EEF1G: variants seen among roughly 807,000 people sequenced by gnomAD.
EEF1G encodes the protein eukaryotic translation elongation factor 1 gamma.
Under a neutral mutation model 58.3 loss-of-function variants are expected in EEF1G, and 14 were observed. The observed-to-expected ratio is 0.24, with a 90% CI of 0.16 to 0.38. The LOEUF (loss-of-function observed/expected upper bound fraction) is 0.38. EEF1G is among the 10% of genes least tolerant of loss of function. The pLI is 1.00. For synonymous variants in EEF1G, 180 were observed against 206.8 expected, an observed-to-expected ratio of 0.87 and a Z score of 1.11; for missense variants, 322 against 550.1, an observed-to-expected ratio of 0.59 and a Z score of 4.15.
chr11:62,567,821 C>T (rs1941574881), intron 5 of EEF1G, among the ~76,000 whole-genome samples: 1 of 151,788 alleles, frequency 6.6e-6, no homozygotes, highest in Non-Finnish European at 1.5e-5. Context: ...TCTCGTGCCT[C>T]AGCCTCCCAT....
intron 7 of EEF1G, among the ~76,000 whole-genome samples, chr11:62,564,758 CA>C (rs34663205): frequency 4.8e-4 from 36 of 75,038 alleles, no homozygotes; most frequent in African/African-American, 2.0e-3. Context: ...GACTCCATCT[CA>C]AAAAAAAAAA....
chr11:62,571,456 T>C, intron 4 of EEF1G, 84 bp downstream of exon 4: 1 of 1,479,684 alleles, frequency 6.8e-7, no homozygotes, highest in Non-Finnish European at 9.0e-7. Flanking sequence ...CATCTTTTTT[T>C]CAACCTATTT....
chr11:62,566,530 C>T (rs1458248232), intron 7 of EEF1G, among the ~76,000 whole-genome samples: 3 of 152,196 alleles, frequency 2.0e-5, no homozygotes, highest in Admixed American at 6.5e-5. Flanking sequence ...TGCTCAAAAC[C>T]AACTTACCAC....
intron 2 of EEF1G, 117 bp downstream of exon 2, chr11:62,572,467 A>G (rs1941645984): frequency 7.3e-7 from 1 of 1,361,566 alleles, no homozygotes; most frequent in African/African-American, 1.5e-5. Context: ...AATCACCGAA[A>G]TTGAATAAAA....
At chr11:62,560,937 A>T (rs990213254) in intron 7 of EEF1G, among the ~76,000 whole-genome samples, 1 of 152,176 alleles carries the variant, frequency 6.6e-6, no homozygotes, top group Non-Finnish European at 1.5e-5. Context: ...CCTTTAGTCC[A>T]TCTCTGCCTA....
chr11:62,561,248 A>T (rs1426739641), intron 7 of EEF1G, among the ~76,000 whole-genome samples: 1 of 152,146 alleles, frequency 6.6e-6, no homozygotes, highest in East Asian at 1.9e-4. Context: ...TCTACTAAAA[A>T]TACAAAAATT....
chr11:62,571,907 G>A lies in EEF1G; in HGVS notation c.172-6C>T. The A allele has an allele frequency of 6.4e-7, 1 of 1,572,236 alleles. No homozygotes were observed. ...TCACCCTCAAATGCTGGGACCTGGG[G>A]ACAAAGCAGTGAAAAGATAAGGTAA... On this transcript the variant is annotated splice_region_variant and splice_polypyrimidine_tract_variant and intron_variant, in intron 2 of 9. Coordinates refer to ENST00000329251, the MANE Select transcript of EEF1G (RefSeq NM_001404.5).
chr11:62,573,242 T>C (rs1217481188), intron 1 of EEF1G: 4 of 157,400 alleles, frequency 2.5e-5, no homozygotes, highest in Non-Finnish European at 5.6e-5. Flanking sequence ...GGGGATGGCA[T>C]GCCGTCTTCT....
chr11:62,569,091 A>G (rs886727220), intron 5 of EEF1G, among the ~76,000 whole-genome samples: 6 of 149,876 alleles, frequency 4.0e-5, no homozygotes, highest in Non-Finnish European at 8.8e-5. Context: ...ACACGCACAC[A>G]CACACACACA....
chr11:62,565,200 C>T (rs1941542530), intron 7 of EEF1G, among the ~76,000 whole-genome samples: 1 of 152,158 alleles, frequency 6.6e-6, no homozygotes, highest in South Asian at 2.1e-4. Context: ...CCAGCCTGGG[C>T]AACATAGTGA....
At chr11:62,561,692 A>C (rs1405295048) in intron 7 of EEF1G, among the ~76,000 whole-genome samples, 26 of 151,532 alleles carry the variant, frequency 1.7e-4, no homozygotes, top group African/African-American at 5.8e-4. Flanking sequence ...CAAAAAAAAA[A>C]AAAACAACCA....
At chr11:62,571,134 A>G (rs1375885492) in intron 4 of EEF1G, 26 bp from the exon 5 acceptor site, 1 of 1,613,738 alleles carries the variant, frequency 6.2e-7, no homozygotes, top group Admixed American at 1.7e-5. Flanking sequence ...GATAAAACTC[A>G]TCAGTGGGTA....
rs1941648105 is a variant in EEF1G at position 62,572,602 on chromosome 11, G to A, written c.153C>T (p.Arg51=). The A allele has an allele frequency of 4.3e-6, 7 of 1,612,110 alleles. No individual in the cohort carries two copies. In the South Asian group the frequency reaches 6.6e-5, roughly 15 times the overall value. ...AACTCACCTTGCCGGCAGGAAATTT[G>A]CGGAGAAATTCAGGGGTGCGGTTGG... is the stretch of plus-strand genomic sequence containing the variant. ...GQTNRTPEFL[R]KFPAGKVPAF... The change falls in exon 2 of 10, where the codon CGC becomes CGT. Residue 51 remains arginine (R), a synonymous_variant. Transcript: ENST00000329251.
Position 62,560,051 on chromosome 11 carries a change from C to T in EEF1G, c.1155+18G>A, listed in dbSNP as rs1941477405. 1 of 1,613,934 alleles carries T rather than the reference C, an allele frequency of 6.2e-7. No individual in the cohort carries two copies. The highest frequency in any genetic ancestry group is 8.5e-7 in the Non-Finnish European group (1 of 1,179,874). On this transcript the variant is annotated intron_variant, in intron 9 of 9. Coordinates refer to ENST00000329251, the MANE Select transcript of EEF1G (RefSeq NM_001404.5). Reference sequence around the variant, plus strand: ...CCTGCCCCACCCTAAAGAGACTCCTCTCCTCCACCTTCCTCACCGGAAAGG... The same window carrying T: ...CCTGCCCCACCCTAAAGAGACTCCTTTCCTCCACCTTCCTCACCGGAAAGG...
chr11:62,570,001 AC>A lies in EEF1G; in HGVS notation c.522+963del, dbSNP rs149735563. On this transcript the variant is annotated intron_variant, in intron 5 of 9. Transcript: ENST00000329251. ...TTCACCCGCATATAACCCCTTACCT[AC>A]ATTGGTAAACAATGAAGCCAAGGCT... Among the ~76,000 whole-genome samples the A allele has an allele frequency of 2.8e-4, 43 of 152,182 alleles. No individual in the cohort carries two copies. The East Asian group carries it at 8.1e-3, about 29-fold the overall frequency.
chr11:62,561,431 T>G (rs886149718), intron 7 of EEF1G, among the ~76,000 whole-genome samples: 3 of 149,392 alleles, frequency 2.0e-5, no homozygotes, highest in Non-Finnish European at 4.4e-5. Flanking sequence ...TCCCAACACT[T>G]TGGGAGGCCG....
At position 62,570,981 on chromosome 11, in the gene EEF1G, A is replaced by C; in HGVS notation, c.506T>G (p.Leu169Trp). The C allele has an allele frequency of 1.9e-6, 3 of 1,613,898 alleles. No homozygotes were observed. Among genetic ancestry groups the C allele is most frequent in the Non-Finnish European group, 2.5e-6 (3 of 1,179,828 alleles). The change falls in exon 5 of 10, where the codon TTG becomes TGG. Residue 169 changes from leucine to tryptophan, a missense_variant. Physicochemically the swap from Leu to Trp is moderately conservative, Grantham distance 61. Transcript: ENST00000329251. ...AAACTTCACCTGCTTATAGAGCCAC[A>C]ACAGGGTGCAGACAACTGTGATGTC... The part of the protein sequence containing the change: ...LADITVVCTL[L>W]WLYKQVLEPS...
At chr11:62,564,200 C>T (rs1204863247) in intron 7 of EEF1G, among the ~76,000 whole-genome samples, 2 of 152,194 alleles carry the variant, frequency 1.3e-5, no homozygotes, top group East Asian at 1.9e-4. Context: ...CGGTGGCTCA[C>T]GCCTGTAATC....
chr11:62,564,297 T>C (rs1301172779), intron 7 of EEF1G, among the ~76,000 whole-genome samples: 2 of 151,776 alleles, frequency 1.3e-5, no homozygotes, highest in African/African-American at 4.8e-5. Flanking sequence ...ACCCCATCTC[T>C]ACTAAAAATA....
Sources: gnomAD v4.1 joint callset for allele counts (sites outside exome capture counted in the v4.1 genomes callset) on GRCh38, gnomAD v4.1.1 for gene constraint, MANE v1.5 for transcripts, NCBI Gene and HGNC (gene_info 2026-07-23, HGNC 2026-07-21) for gene names.